ATP2B2: variants seen among roughly 807,000 people sequenced by gnomAD.
ATP2B2 encodes the protein ATPase plasma membrane Ca2+ transporting 2, also known as plasma membrane calcium-transporting ATPase 2.
ATP2B2 carries 15 observed loss-of-function variants against 120.0 expected under a neutral mutation model. That is an observed-to-expected ratio of 0.12 (90% CI 0.08 to 0.19). The LOEUF (loss-of-function observed/expected upper bound fraction) is 0.19, where lower values mean the gene tolerates loss of function less well. Among genes scored for constraint, ATP2B2 ranks in the 10% least tolerant of loss-of-function variants. The probability of loss-of-function intolerance (pLI) is 1.00; values close to 1 mark genes in which losing one functional copy is unlikely to be tolerated. For synonymous variants in ATP2B2, 694 were observed against 700.3 expected (o/e 0.99, Z 0.14); for missense variants, 1,045 against 1,719.8 (o/e 0.61, Z 6.94).
At chr3:10,692,321 A>G (rs2071679121) in intron 1 of ATP2B2, among the ~76,000 whole-genome samples, 1 of 152,130 alleles carries the variant, frequency 6.6e-6, no homozygotes. Flanking sequence ...TCTCCCCCCA[A>G]CCGTCATTCA....
At chr3:10,365,533 G>A (rs1478539116) in intron 12 of ATP2B2, among the ~76,000 whole-genome samples, 4 of 152,118 alleles carry the variant, frequency 2.6e-5, no homozygotes, top group Non-Finnish European at 5.9e-5. Flanking sequence ...GGAATGCAGA[G>A]GCGCTGCACT....
In ATP2B2 at chr3:10,326,768, C is replaced by T. The variant is rs949780595; in HGVS notation, c.*2046G>A. On this transcript the variant is annotated 3_prime_UTR_variant, in exon 23 of 23. Transcript: ENST00000360273. Reference sequence around the variant, plus strand: ...GGTCCTCCTTCCAGGAGGATTTTGCCAGGTGGGATGGGCTGACTTTGAACC... The same window carrying T: ...GGTCCTCCTTCCAGGAGGATTTTGCTAGGTGGGATGGGCTGACTTTGAACC... The T allele has an allele frequency of 1.8e-5, 7 of 398,844 alleles. No individual in the cohort carries two copies. Among genetic ancestry groups the T allele is most frequent in the Non-Finnish European group, 2.7e-5 (6 of 226,054 alleles). The allele number at this position is 398,844 out of a possible 1,614,324, so 24.7% of individuals were successfully genotyped here.
chr3:10,578,604 C>T (rs1056098970), intron 2 of ATP2B2, among the ~76,000 whole-genome samples: 1 of 151,416 alleles, frequency 6.6e-6, no homozygotes, highest in Non-Finnish European at 1.5e-5. Flanking sequence ...AAGACTTATA[C>T]ACAGATATTC....
rs577047176 is a variant in ATP2B2, at chr3:10,328,962, G to A, written c.3584C>T (p.Ala1195Val). 3.3e-5 allele frequency: 53 copies of A among 1,613,950 alleles called. No homozygotes were observed. The South Asian group carries it at 3.4e-4, about 10-fold the overall frequency. The change falls in exon 23 of 23, where the codon GCG (alanine) becomes GTG (valine). Residue 1195 changes from alanine to valine, a missense_variant. Transcript: ENST00000360273. ...IDDTDLEEDA[A>V]LKQNSSPPSS... ...CGGCGGGCTCGAGTTCTGCTTGAGC[G>A]CGGCATCTTCTTCCAGGTCGGTGTC...
chr3:10,365,800 GT>G (rs2061031981), intron 12 of ATP2B2, among the ~76,000 whole-genome samples: 3 of 160 alleles, frequency 0.019, no homozygotes, highest in Non-Finnish European at 0.06. Flanking sequence ...TGTGTATAGT[GT>G]ATGTGTTGTA....
At chr3:10,590,104 A>C (rs564084943) in intron 2 of ATP2B2, among the ~76,000 whole-genome samples, 32 of 152,368 alleles carry the variant, frequency 2.1e-4, no homozygotes, top group African/African-American at 7.7e-4. Flanking sequence ...AAGAAAAAGC[A>C]AGGGACTATG....
intron 2 of ATP2B2, among the ~76,000 whole-genome samples, chr3:10,609,572 G>C (rs771134033): frequency 3.3e-5 from 5 of 152,224 alleles, no homozygotes; most frequent in Non-Finnish European, 5.9e-5. Context: ...CCACTGGTTG[G>C]GCAGCGGGAG....
In ATP2B2 at chr3:10,501,980, A is replaced by C. The variant is rs72494903; in HGVS notation, c.-320+3485T>G. 2.8e-3 allele frequency among the ~76,000 whole-genome samples: 423 copies of C among 152,274 alleles called. 9 individuals carry two copies. In the East Asian group the frequency reaches 0.05, roughly 18 times the overall value. ...TAGGGCCCAGAAATCTGCCCCCATC[A>C]GGTGATCTTTAGGTTAATTAATGCA... On this transcript the variant is annotated intron_variant, in intron 1 of 22. Transcript: ENST00000360273.
At position 10,340,121 on chromosome 3, in the gene ATP2B2, G is replaced by T. The variant is rs895091162; in HGVS notation, c.3237+121C>A. 3.3e-6 allele frequency: 3 copies of T among 910,950 alleles called. No individual in the cohort carries two copies. The highest frequency in any genetic ancestry group is 5.2e-6 in the Non-Finnish European group (3 of 571,676). 56.4% of individuals were successfully genotyped at this position (910,950 alleles called of 1,614,324 possible). A position where few individuals can be genotyped will look rare whatever the true frequency, so the allele number is the denominator to read the frequency against. On this transcript the variant is annotated intron_variant, in intron 21 of 22. Transcript: ENST00000360273. This position sits in a 1 kb window ranked among gnomAD's most constrained non-coding sequence, Gnocchi z 5.0. The stretch of plus-strand genomic sequence containing the variant: ...ACAAACCCCCTTGCTCAGATGTCCA[G>T]AGATAGGGAGGAGCTTGCCTGGGGT...
At chr3:10,403,130 C>G (rs1454200027) in intron 3 of ATP2B2, among the ~76,000 whole-genome samples, 1 of 152,184 alleles carries the variant, frequency 6.6e-6, no homozygotes, top group Non-Finnish European at 1.5e-5. Context: ...CTTCAGTGGC[C>G]TCATCTGCAA....
chr3:10,584,510 G>A (rs2068462872), intron 2 of ATP2B2, among the ~76,000 whole-genome samples: 1 of 152,128 alleles, frequency 6.6e-6, no homozygotes, highest in African/African-American at 2.4e-5. Flanking sequence ...GTACCTGGTG[G>A]TGAACTGCAT....
chr3:10,488,448 T>C (rs1253974995), intron 1 of ATP2B2, among the ~76,000 whole-genome samples: 2 of 148,644 alleles, frequency 1.3e-5, no homozygotes, highest in African/African-American at 4.9e-5. Context: ...CATCCATCCA[T>C]CCACCACCCT....
At chr3:10,622,951 C>T (rs1429516193) in intron 1 of ATP2B2, among the ~76,000 whole-genome samples, 1 of 152,028 alleles carries the variant, frequency 6.6e-6, no homozygotes, top group Non-Finnish European at 1.5e-5. Context: ...GTTTTATCTT[C>T]CATAAAATGG....
intron 1 of ATP2B2, among the ~76,000 whole-genome samples, chr3:10,693,782 A>T (rs899528238): frequency 1.3e-5 from 2 of 152,236 alleles, no homozygotes; most frequent in South Asian, 4.1e-4. Context: ...AGAGCCTGGC[A>T]CACTGCCTGG....
intron 2 of ATP2B2, among the ~76,000 whole-genome samples, chr3:10,605,601 G>A (rs1275073164): frequency 6.6e-6 from 1 of 152,090 alleles, no homozygotes; most frequent in Non-Finnish European, 1.5e-5. Context: ...GATTGCTTGA[G>A]GCCAGCATTT....
intron 2 of ATP2B2, among the ~76,000 whole-genome samples, chr3:10,418,462 T>C (rs1330632586): frequency 6.6e-6 from 1 of 152,188 alleles, no homozygotes; most frequent in Non-Finnish European, 1.5e-5. Flanking sequence ...GGTTCTGCTC[T>C]TCCCATGTGT....
chr3:10,654,401 A>G (rs926501781), intron 1 of ATP2B2, among the ~76,000 whole-genome samples: 4 of 152,092 alleles, frequency 2.6e-5, no homozygotes, highest in African/African-American at 9.7e-5. Flanking sequence ...TGGCTGGCTG[A>G]CTCAAGGAGG....
intron 2 of ATP2B2, among the ~76,000 whole-genome samples, chr3:10,578,902 G>A (rs940175592): frequency 6.6e-6 from 1 of 152,226 alleles, no homozygotes; most frequent in Non-Finnish European, 1.5e-5. Flanking sequence ...GTCTCCTCTG[G>A]AGGGCAAGGA....
intron 1 of ATP2B2, among the ~76,000 whole-genome samples, chr3:10,649,361 T>C (rs2070394769): frequency 6.6e-6 from 1 of 152,186 alleles, no homozygotes; most frequent in Non-Finnish European, 1.5e-5. Context: ...TGGATACCAC[T>C]GGTATAGACA....
Sources: allele counts gnomAD v4.1 joint callset (sites outside exome capture counted in the v4.1 genomes callset), GRCh38; gene constraint gnomAD v4.1.1; non-coding constraint Gnocchi (gnomAD v3.1); transcripts MANE v1.5; gene names NCBI Gene and HGNC (gene_info 2026-07-23, HGNC 2026-07-21).